The following PTPRN2 variants were observed in gnomAD, a reference collection of about 807,000 sequenced individuals.
The protein encoded by PTPRN2 is protein tyrosine phosphatase receptor type N2, also known as receptor-type tyrosine-protein phosphatase N2.
A neutral mutation model predicts 118.8 loss-of-function variants in PTPRN2; 74 were observed. The observed-to-expected ratio is 0.62, with a 90% confidence interval of 0.52 to 0.76. PTPRN2 has a LOEUF of 0.76. Among genes scored for constraint, PTPRN2 ranks in the 30% least tolerant of loss-of-function variants. The pLI is 0.00. For missense variants in PTPRN2, 1,481 were observed against 1,394.4 expected, an observed-to-expected ratio of 1.06 and a Z score of -0.99; for synonymous variants, 641 against 608.0, an observed-to-expected ratio of 1.05 and a Z score of -0.80.
At chr7:157,570,062 A>G (rs1282803566) in intron 20 of PTPRN2, among the ~76,000 whole-genome samples, 2 of 152,260 alleles carry the variant, frequency 1.3e-5, no homozygotes, top group African/African-American at 4.8e-5. Flanking sequence ...CAAATGGTTG[A>G]AAAAAGCTGC....
intron 11 of PTPRN2, among the ~76,000 whole-genome samples, chr7:158,009,826 G>A (rs1481981494): frequency 6.6e-6 from 1 of 152,212 alleles, no homozygotes; most frequent in Non-Finnish European, 1.5e-5. Flanking sequence ...TTGGATCTAT[G>A]AGCATTGCTA....
chr7:157,826,580 T>G (rs938137528), intron 12 of PTPRN2, among the ~76,000 whole-genome samples: 1 of 147,002 alleles, frequency 6.8e-6, no homozygotes, highest in African/African-American at 2.6e-5. Flanking sequence ...ACGAACACGA[T>G]CGTCACAATC....
intron 12 of PTPRN2, among the ~76,000 whole-genome samples, chr7:157,740,797 G>A (rs1275218738): frequency 6.6e-6 from 1 of 152,132 alleles, no homozygotes; most frequent in Non-Finnish European, 1.5e-5. Context: ...CCTGGCCCAC[G>A]GGATCCCAGG....
intron 12 of PTPRN2, among the ~76,000 whole-genome samples, chr7:157,753,869 C>G (rs1801630437): frequency 6.6e-6 from 1 of 152,214 alleles, no homozygotes; most frequent in African/African-American, 2.4e-5. Context: ...CCAAAGCCAC[C>G]TAGCACAGCA....
Position 157,752,487 on chromosome 7 carries a change from C to T in PTPRN2, c.1789-69550G>A, listed in dbSNP as rs752494018. Among the ~76,000 whole-genome samples, 10 of 152,328 alleles carry T rather than the reference C, an allele frequency of 6.6e-5. No homozygotes were observed. The South Asian group carries it at 8.3e-4, about 13-fold the overall frequency. ...GGGGTCGAGCTGGGCGACTGGTGCG[C>T]GGTGTGGCTGTCGCCCTTTTGTGCT... is the stretch of plus-strand genomic sequence containing the variant. On this transcript the variant is annotated intron_variant, in intron 12 of 22. Transcript: ENST00000389418.
chr7:158,026,504 G>A (rs751928606), intron 11 of PTPRN2, among the ~76,000 whole-genome samples: 11 of 152,176 alleles, frequency 7.2e-5, no homozygotes, highest in Admixed American at 5.9e-4. Flanking sequence ...CTTATTGATC[G>A]AAATTATTCT....
intron 12 of PTPRN2, 80 bp from the exon 13 acceptor site, chr7:157,683,017 TG>T: frequency 7.8e-7 from 1 of 1,280,116 alleles, no homozygotes. Flanking sequence ...AAATGCAACT[TG>T]AAAGTGGAAA....
chr7:158,366,118 A>G (rs1809481152), intron 2 of PTPRN2, among the ~76,000 whole-genome samples: 1 of 134,480 alleles, frequency 7.4e-6, no homozygotes, highest in Non-Finnish European at 1.6e-5. Context: ...GCTGCAGCCC[A>G]ATGCACGCGT....
chr7:157,896,203 C>T (rs1797104167), intron 12 of PTPRN2, among the ~76,000 whole-genome samples: 1 of 151,478 alleles, frequency 6.6e-6, no homozygotes, highest in Non-Finnish European at 1.5e-5. Flanking sequence ...TCCCCCAATC[C>T]AAGCAGGGAG....
chr7:157,901,713 G>A (rs946932327), intron 11 of PTPRN2, among the ~76,000 whole-genome samples: 7 of 92,968 alleles, frequency 7.5e-5, no homozygotes, highest in Admixed American at 4.2e-4. Context: ...GGGCCTTCCC[G>A]TCCGTGTTTC....
intron 3 of PTPRN2, among the ~76,000 whole-genome samples, chr7:158,279,054 T>TA (rs1214840745): frequency 2.6e-5 from 4 of 152,196 alleles, no homozygotes; most frequent in Non-Finnish European, 4.4e-5. Flanking sequence ...CAGCAAAACT[T>TA]ACTGTGAACA....
chr7:157,619,371 T>C lies in PTPRN2; in HGVS notation c.2344+1991A>G, dbSNP rs1803012549. On this transcript the variant is annotated intron_variant, in intron 15 of 22. Transcript: ENST00000389418. This position sits in a 1 kb window ranked among gnomAD's most constrained non-coding sequence, Gnocchi z 5.3. The stretch of plus-strand genomic sequence containing the variant: ...ATTCTCCACTCAGGACTCAGCAGGA[T>C]ACCCGCTCACCACCACCCTCACTTG... 1.3e-5 allele frequency among the ~76,000 whole-genome samples: 2 copies of C among 152,064 alleles called. No homozygotes were observed. The highest frequency in any genetic ancestry group is 4.8e-5 in the African/African-American group (2 of 41,420).
chr7:157,682,978 A>G (rs1301242466), intron 12 of PTPRN2, 41 bp from the exon 13 acceptor site: 2 of 1,499,394 alleles, frequency 1.3e-6, no homozygotes, highest in Non-Finnish European at 1.8e-6. Context: ...CTCCTGACAA[A>G]GCATGACCTC....
chr7:157,670,951 T>G (rs1796379852), intron 13 of PTPRN2, among the ~76,000 whole-genome samples: 1 of 152,120 alleles, frequency 6.6e-6, no homozygotes, highest in Admixed American at 6.5e-5. Context: ...CTAATTTTCT[T>G]TTTGCTCAGA....
intron 10 of PTPRN2, among the ~76,000 whole-genome samples, chr7:158,095,256 G>T (rs571964439): frequency 6.6e-6 from 1 of 150,396 alleles, no homozygotes; most frequent in East Asian, 1.9e-4. Flanking sequence ...TAAGAATAAC[G>T]CCAAGCAGGG....
At chr7:158,341,920 C>G (rs1396355128) in intron 2 of PTPRN2, among the ~76,000 whole-genome samples, 1 of 141,580 alleles carries the variant, frequency 7.1e-6, no homozygotes, top group Non-Finnish European at 1.5e-5. Context: ...CTGCAGACGT[C>G]ACTCACACCC....
rs1030928194 is a variant in PTPRN2, at chr7:157,615,004, A to T, written c.2344+6358T>A. On this transcript the variant is annotated intron_variant, in intron 15 of 22. Transcript: ENST00000389418. The surrounding 1 kb of genome is among the most constrained non-coding windows in gnomAD (Gnocchi z 4.3). ...ATTTTCTTAGTTATAACGGGGCTGC[A>T]GCTACCTAGGAGAAGGCCCTTGTAT... 6.6e-6 allele frequency among the ~76,000 whole-genome samples: 1 copy of T among 152,256 alleles called. No homozygotes were observed. Among genetic ancestry groups the T allele is most frequent in the African/African-American group, 2.4e-5 (1 of 41,472 alleles).
At chr7:158,170,974 T>C (rs186952191) in intron 5 of PTPRN2, among the ~76,000 whole-genome samples, 14 of 149,356 alleles carry the variant, frequency 9.4e-5, no homozygotes, top group South Asian at 4.2e-4. Flanking sequence ...TTCATATATA[T>C]ACATACATAT....
intron 11 of PTPRN2, among the ~76,000 whole-genome samples, chr7:158,058,514 A>G (rs1282570987): frequency 2.7e-5 from 2 of 75,184 alleles, no homozygotes; most frequent in Non-Finnish European, 2.5e-5. Flanking sequence ...ACACGGTGAG[A>G]CATCACTGCA....
Sources: gnomAD v4.1 joint callset for allele counts (sites outside exome capture counted in the v4.1 genomes callset) on GRCh38, gnomAD v4.1.1 for gene constraint, Gnocchi (gnomAD v3.1) non-coding constraint, MANE v1.5 for transcripts, NCBI Gene and HGNC (gene_info 2026-07-23, HGNC 2026-07-21) for gene names.